The following DACH1 variants were observed in gnomAD, a reference collection of about 807,000 sequenced individuals.
DACH1 encodes the protein dachshund homolog 1.
A neutral mutation model predicts 54.2 loss-of-function variants in DACH1; 12 were observed. That is an observed-to-expected ratio of 0.22 (90% confidence interval 0.14 to 0.36). The LOEUF (loss-of-function observed/expected upper bound fraction) is 0.36, where lower values mean the gene tolerates loss of function less well. DACH1 is among the 10% of genes least tolerant of loss of function. DACH1 has a pLI of 1.00. For synonymous variants in DACH1, 386 were observed against 366.2 expected (o/e 1.05, Z -0.62); for missense variants, 805 against 929.8 (o/e 0.87, Z 1.75).
intron 3 of DACH1, among the ~76,000 whole-genome samples, chr13:71,612,703 A>G (rs1448854861): frequency 6.6e-6 from 1 of 152,224 alleles, no homozygotes; most frequent in Non-Finnish European, 1.5e-5. Context: ...GTAAATGTAG[A>G]CGTGCATTGT....
intron 1 of DACH1, among the ~76,000 whole-genome samples, chr13:71,744,552 C>A (rs1023019851): frequency 2.0e-5 from 3 of 152,120 alleles, no homozygotes; most frequent in African/African-American, 7.2e-5. Flanking sequence ...GAACCAGGAA[C>A]AAACAGACAC....
chr13:71,697,779 T>A (rs1296233615), intron 1 of DACH1, among the ~76,000 whole-genome samples: 2 of 152,198 alleles, frequency 1.3e-5, no homozygotes, highest in Non-Finnish European at 2.9e-5. Flanking sequence ...TGGTAATATA[T>A]GAAAGTCCTA....
At chr13:71,816,613 TATACACGTGTATATATAC>T (rs1887947062) in intron 1 of DACH1, among the ~76,000 whole-genome samples, 2 of 92,708 alleles carry the variant, frequency 2.2e-5, no homozygotes, top group Admixed American at 1.3e-4. Context: ...TGTGTATATA[TATACACGTGTATATATAC>T]ACACACATAT....
At chr13:71,771,991 A>G (rs1885876822) in intron 1 of DACH1, among the ~76,000 whole-genome samples, 2 of 151,536 alleles carry the variant, frequency 1.3e-5, no homozygotes, top group Non-Finnish European at 3.0e-5. Flanking sequence ...AAGTTGATCT[A>G]TTTAAAGATT....
chr13:71,665,842 A>T (rs955454022), intron 2 of DACH1, among the ~76,000 whole-genome samples: 1 of 152,104 alleles, frequency 6.6e-6, no homozygotes, highest in Admixed American at 6.5e-5. Flanking sequence ...TTATCACTGA[A>T]TTCAATCCCC....
rs191384863 is a variant in DACH1, at chr13:71,597,572, G to T, written c.1127-24560C>A. Among the ~76,000 whole-genome samples the T allele has an allele frequency of 3.0e-3, 463 of 152,044 alleles. 6 individuals carry two copies. Among genetic ancestry groups the T allele is most frequent in the Non-Finnish European group, 1.5e-3 (101 of 67,976 alleles). On this transcript the variant is annotated intron_variant, in intron 3 of 10. Coordinates refer to ENST00000613252, the MANE Select transcript of DACH1 (RefSeq NM_080759.6). ...CTCCCTCAGTGTGATTTCACCATGGGGCTCTCATCAGTGCACCCTGGGGTT... is the reference window on the plus strand; with the variant it reads ...CTCCCTCAGTGTGATTTCACCATGGTGCTCTCATCAGTGCACCCTGGGGTT...
intron 1 of DACH1, among the ~76,000 whole-genome samples, chr13:71,725,993 C>G (rs1222820465): frequency 6.6e-6 from 1 of 152,034 alleles, no homozygotes; most frequent in Non-Finnish European, 1.5e-5. Flanking sequence ...CTTGGAGAAC[C>G]TGTTGAAAGT....
At chr13:71,511,841 A>T (rs1035974508) in intron 6 of DACH1, among the ~76,000 whole-genome samples, 3 of 151,950 alleles carry the variant, frequency 2.0e-5, no homozygotes, top group Non-Finnish European at 2.9e-5. Flanking sequence ...GTTTCAGCAG[A>T]AGGAGTAATA....
At chr13:71,816,002 A>G (rs113094056) in intron 1 of DACH1, among the ~76,000 whole-genome samples, 6,353 of 151,630 alleles carry the variant, frequency 0.042, 452 homozygotes, top group African/African-American at 0.14. Flanking sequence ...GGAGAATGGC[A>G]TGAACCCGGG....
At chr13:71,615,734 G>A (rs1282364058) in intron 3 of DACH1, among the ~76,000 whole-genome samples, 1 of 152,152 alleles carries the variant, frequency 6.6e-6, no homozygotes, top group Non-Finnish European at 1.5e-5. Context: ...TTGAGGGCAT[G>A]TAGAGGAGGC....
chr13:71,704,348 C>A, intron 1 of DACH1: 1 of 425,558 alleles, frequency 2.3e-6, no homozygotes, highest in South Asian at 2.1e-5. Context: ...CAGGTGTTAC[C>A]ATGGCAAAAC....
chr13:71,479,323 AAAG>A lies in DACH1; in HGVS notation c.1723-10_1723-8del. On this transcript the variant is annotated splice_polypyrimidine_tract_variant and splice_region_variant and intron_variant, in intron 7 of 10. Coordinates refer to ENST00000613252, the MANE Select transcript of DACH1 (RefSeq NM_080759.6). Reference sequence around the variant, plus strand: ...TGGCAACTTTCAACAGCCCCTGTACAAAGAAGATATTCGGAATGGTAATATTTT... The same window carrying A: ...TGGCAACTTTCAACAGCCCCTGTACAAAGATATTCGGAATGGTAATATTTT... 1.9e-6 allele frequency: 3 copies of A among 1,601,166 alleles called. No homozygotes were observed. The highest frequency in any genetic ancestry group is 2.5e-6 in the Non-Finnish European group (3 of 1,176,612).
chr13:71,653,038 G>A (rs533688990), intron 2 of DACH1, among the ~76,000 whole-genome samples: 9 of 152,012 alleles, frequency 5.9e-5, no homozygotes, highest in Admixed American at 3.9e-4. Flanking sequence ...GTCCAGATTC[G>A]GAAGCTTAAA....
chr13:71,697,889 G>C (rs1881909579), intron 1 of DACH1, among the ~76,000 whole-genome samples: 1 of 152,086 alleles, frequency 6.6e-6, no homozygotes, highest in Non-Finnish European at 1.5e-5. Context: ...CCGATTTTAT[G>C]CATTTTAAAA....
chr13:71,632,416 ATTTT>A (rs34080454), intron 2 of DACH1, among the ~76,000 whole-genome samples: 7 of 124,674 alleles, frequency 5.6e-5, no homozygotes, highest in Admixed American at 7.9e-5. Flanking sequence ...AACCCCACCC[ATTTT>A]TTTTTTTTTT....
chr13:71,733,421 A>G (rs1204265838), intron 1 of DACH1, among the ~76,000 whole-genome samples: 2 of 152,136 alleles, frequency 1.3e-5, no homozygotes, highest in African/African-American at 4.8e-5. Context: ...GGTTCAAGCA[A>G]TCTGCCTATC....
At chr13:71,475,673 C>T in intron 9 of DACH1, 33 bp downstream of exon 9, 1 of 1,582,548 alleles carries the variant, frequency 6.3e-7, no homozygotes, top group East Asian at 2.3e-5. Context: ...TTAAAAATGA[C>T]AGTTATTCAT....
chr13:71,574,745 T>C (rs964596289), intron 3 of DACH1, among the ~76,000 whole-genome samples: 17 of 152,136 alleles, frequency 1.1e-4, no homozygotes, highest in African/African-American at 4.1e-4. Flanking sequence ...AAAATGGATA[T>C]CTTTATTATC....
intron 2 of DACH1, among the ~76,000 whole-genome samples, chr13:71,672,808 T>G (rs2138680121): frequency 6.6e-6 from 1 of 152,218 alleles, no homozygotes; most frequent in East Asian, 1.9e-4. Context: ...ATTAGAACAC[T>G]AAGAATTTCA....
Sources: gnomAD v4.1 joint callset for allele counts (sites outside exome capture counted in the v4.1 genomes callset) on GRCh38, gnomAD v4.1.1 for gene constraint, MANE v1.5 for transcripts, NCBI Gene and HGNC (gene_info 2026-07-23, HGNC 2026-07-21) for gene names.